Variants in CNTNAP2 observed in about 807,000 individuals in gnomAD.
The protein encoded by CNTNAP2 is contactin-associated protein-like 2.
In CNTNAP2, 98 loss-of-function variants were observed where a neutral mutation model predicts 155.2. The observed-to-expected ratio is 0.63, with a 90% CI of 0.54 to 0.75. The LOEUF is 0.75. Ranked by LOEUF, CNTNAP2 falls within the 30% of genes least tolerant of loss-of-function variation. The pLI, the probability that CNTNAP2 is intolerant of heterozygous loss-of-function variation, is 0.00. For missense variants in CNTNAP2, 1,727 were observed against 1,688.1 expected (o/e 1.02, Z -0.40); for synonymous variants, 651 against 631.2 (o/e 1.03, Z -0.47).
chr7:146,760,409 CTTTTTTTTTT>C (rs532820418), intron 1 of CNTNAP2, among the ~76,000 whole-genome samples: 127 of 56,278 alleles, frequency 2.3e-3, no homozygotes, highest in South Asian at 0.012. Context: ...TCCAATTTAC[CTTTTTTTTTT>C]TTTTTTTTTT....
chr7:146,876,948 C>G (rs1283714826), intron 3 of CNTNAP2, among the ~76,000 whole-genome samples: 1 of 152,024 alleles, frequency 6.6e-6, no homozygotes, highest in African/African-American at 2.4e-5. Flanking sequence ...TTTCATATTT[C>G]ACTATTTAGG....
chr7:146,197,612 G>A (rs536428665), intron 1 of CNTNAP2, among the ~76,000 whole-genome samples: 3 of 152,086 alleles, frequency 2.0e-5, no homozygotes, highest in South Asian at 2.1e-4. Flanking sequence ...TAAAATTTAA[G>A]TATAACTTTA....
intron 4 of CNTNAP2, among the ~76,000 whole-genome samples, chr7:147,093,954 G>T (rs572275381): frequency 6.6e-6 from 1 of 152,130 alleles, no homozygotes; most frequent in African/African-American, 2.4e-5. Context: ...CCCAAGCCCC[G>T]AATATCCTGC....
intron 8 of CNTNAP2, among the ~76,000 whole-genome samples, chr7:147,278,694 T>C (rs1804959025): frequency 2.0e-5 from 3 of 151,580 alleles, no homozygotes; most frequent in African/African-American, 7.2e-5. Flanking sequence ...AAAGCATAAT[T>C]ATTGGAAATA....
intron 8 of CNTNAP2, among the ~76,000 whole-genome samples, chr7:147,208,784 G>C (rs970704875): frequency 1.3e-5 from 2 of 152,010 alleles, no homozygotes; most frequent in African/African-American, 4.8e-5. Context: ...AATGTAATTT[G>C]ATTATAAGAA....
At chr7:146,122,169 A>T (rs566190921) in intron 1 of CNTNAP2, among the ~76,000 whole-genome samples, 1 of 152,330 alleles carries the variant, frequency 6.6e-6, no homozygotes, top group Admixed American at 6.5e-5. Context: ...AAGGACCTAG[A>T]TGTGCTTAGC....
intron 16 of CNTNAP2, among the ~76,000 whole-genome samples, chr7:148,142,402 CA>C (rs1301088362): frequency 6.6e-6 from 1 of 151,866 alleles, no homozygotes; most frequent in East Asian, 1.9e-4. Flanking sequence ...AAAAAAAATA[CA>C]GGAAACAAAA....
At chr7:147,517,012 C>A (rs1054548689) in intron 11 of CNTNAP2, among the ~76,000 whole-genome samples, 31 of 151,496 alleles carry the variant, frequency 2.0e-4, no homozygotes, top group Non-Finnish European at 3.7e-4. Context: ...CAGGCACCCA[C>A]CACCACACCC....
chr7:148,284,965 C>A (rs1797055011), intron 21 of CNTNAP2, among the ~76,000 whole-genome samples: 1 of 152,156 alleles, frequency 6.6e-6, no homozygotes, highest in Non-Finnish European at 1.5e-5. Flanking sequence ...GACTGGCATC[C>A]CCACAGACTT....
chr7:147,565,857 G>A (rs571254959), intron 12 of CNTNAP2, among the ~76,000 whole-genome samples: 5 of 152,094 alleles, frequency 3.3e-5, no homozygotes, highest in Non-Finnish European at 7.4e-5. Flanking sequence ...TTACAGTTGG[G>A]TGAGCCCCAA....
chr7:146,247,309 G>T (rs1417676626), intron 1 of CNTNAP2, among the ~76,000 whole-genome samples: 2 of 152,306 alleles, frequency 1.3e-5, no homozygotes, highest in Non-Finnish European at 1.5e-5. Flanking sequence ...TTGCTGAGCA[G>T]GTGCCGGAGG....
At chr7:146,613,588 T>C (rs1799175753) in intron 1 of CNTNAP2, among the ~76,000 whole-genome samples, 1 of 151,886 alleles carries the variant, frequency 6.6e-6, no homozygotes. Flanking sequence ...TTTATTTTAT[T>C]TAATCCAAAA....
At chr7:148,039,684 G>A (rs1325726562) in intron 15 of CNTNAP2, among the ~76,000 whole-genome samples, 1 of 152,192 alleles carries the variant, frequency 6.6e-6, no homozygotes, top group East Asian at 1.9e-4. Context: ...ATGGTAAAGA[G>A]CTAAGGATGC....
intron 1 of CNTNAP2, among the ~76,000 whole-genome samples, chr7:146,575,490 A>G (rs772741056): frequency 6.6e-6 from 1 of 152,190 alleles, no homozygotes; most frequent in African/African-American, 2.4e-5. Flanking sequence ...TGGGGAATAG[A>G]TTTTTAAAAA....
At position 146,566,651 on chromosome 7, in the gene CNTNAP2, C is replaced by T. The variant is rs1456415075; in HGVS notation, c.98-207620C>T. Among the ~76,000 whole-genome samples, 3 of 151,834 alleles carry T rather than the reference C, an allele frequency of 2.0e-5. No homozygotes were observed. In the South Asian group the frequency reaches 6.2e-4, roughly 31 times the overall value. On this transcript the variant is annotated intron_variant, in intron 1 of 23. Coordinates refer to ENST00000361727, the MANE Select transcript of CNTNAP2 (RefSeq NM_014141.6). ...GGCGGAGGTTGCAGTGGGCCGAGAT[C>T]GCACCACTGCACTCCAGCCTGGGCG...
chr7:146,257,040 T>C (rs896352705), intron 1 of CNTNAP2, among the ~76,000 whole-genome samples: 3 of 152,210 alleles, frequency 2.0e-5, no homozygotes, highest in African/African-American at 7.2e-5. Context: ...TTTTAATTTG[T>C]AGGTTCATTC....
At chr7:147,940,659 T>C (rs1279777889) in intron 14 of CNTNAP2, among the ~76,000 whole-genome samples, 2 of 152,102 alleles carry the variant, frequency 1.3e-5, no homozygotes, top group Non-Finnish European at 2.9e-5. Context: ...CTCAGCCTCC[T>C]GAGTAGCTGG....
intron 1 of CNTNAP2, among the ~76,000 whole-genome samples, chr7:146,558,896 A>G (rs982158451): frequency 1.1e-4 from 17 of 152,324 alleles, no homozygotes; most frequent in African/African-American, 4.1e-4. Context: ...AATGTCTACA[A>G]GATTCATCTC....
intron 21 of CNTNAP2, among the ~76,000 whole-genome samples, chr7:148,275,181 T>C (rs1796851355): frequency 6.6e-6 from 1 of 152,180 alleles, no homozygotes. Context: ...GATCATACAA[T>C]GTATCAATAT....
Sources: gnomAD v4.1 joint callset for allele counts (sites outside exome capture counted in the v4.1 genomes callset) on GRCh38, gnomAD v4.1.1 for gene constraint, MANE v1.5 for transcripts, NCBI Gene and HGNC (gene_info 2026-07-23, HGNC 2026-07-21) for gene names.